RFX4: variants seen among roughly 807,000 people sequenced by gnomAD.
The protein encoded by RFX4 is transcription factor RFX4.
RFX4 carries 10 observed loss-of-function variants against 95.0 expected under a neutral mutation model. That is an observed-to-expected ratio of 0.11 (90% CI 0.06 to 0.18). The LOEUF (loss-of-function observed/expected upper bound fraction) is 0.18. Among genes scored for constraint, RFX4 ranks in the 10% least tolerant of loss-of-function variants. The pLI, the probability that RFX4 is intolerant of heterozygous loss-of-function variation, is 1.00. For synonymous variants in RFX4, 321 were observed against 340.7 expected (o/e 0.94, Z 0.64); for missense variants, 640 against 922.0 (o/e 0.69, Z 3.96).
chr12:106,706,774 T>C (rs1437846928), intron 8 of RFX4, among the ~76,000 whole-genome samples: 1 of 152,218 alleles, frequency 6.6e-6, no homozygotes, highest in Non-Finnish European at 1.5e-5. Context: ...GTTATATCTT[T>C]CATGCAATGT....
chr12:106,682,845 T>C (rs2041548928), intron 5 of RFX4: 1 of 152,224 alleles, frequency 6.6e-6, no homozygotes, highest in Admixed American at 6.5e-5. Context: ...CGACCTTCAT[T>C]AAAATCTGCA....
intron 7 of RFX4, chr12:106,693,080 G>C (rs1387471125): frequency 2.3e-6 from 1 of 436,730 alleles, no homozygotes; most frequent in Non-Finnish European, 4.6e-6. Flanking sequence ...AGTCCACTGG[G>C]AGATCCTGTC....
At chr12:106,710,539 A>G (rs1391836846) in intron 9 of RFX4, among the ~76,000 whole-genome samples, 1 of 152,194 alleles carries the variant, frequency 6.6e-6, no homozygotes, top group East Asian at 1.9e-4. Context: ...ACAAATTAGA[A>G]TAATCCTAGG....
chr12:106,689,914 T>C (rs1376206550), intron 7 of RFX4, among the ~76,000 whole-genome samples: 1 of 151,992 alleles, frequency 6.6e-6, no homozygotes, highest in Non-Finnish European at 1.5e-5. Flanking sequence ...AGTTAAAGAA[T>C]GGAGAGGAGG....
At chr12:106,746,262 C>G (rs549509305) in intron 15 of RFX4, among the ~76,000 whole-genome samples, 1 of 150,094 alleles carries the variant, frequency 6.7e-6, no homozygotes, top group Non-Finnish European at 1.5e-5. Flanking sequence ...AGGCTGAGGC[C>G]GGAGAATCAC....
intron 11 of RFX4, among the ~76,000 whole-genome samples, chr12:106,718,885 C>T (rs147555450): frequency 6.7e-5 from 10 of 149,056 alleles, no homozygotes; most frequent in South Asian, 2.1e-4. Flanking sequence ...CCAAGGCGGG[C>T]GGATCACGAG....
intron 1 of RFX4, chr12:106,601,261 A>G (rs1254795679): frequency 3.8e-6 from 6 of 1,580,674 alleles, no homozygotes; most frequent in Non-Finnish European, 4.3e-6. Flanking sequence ...GAGAGACAGA[A>G]AGGGGCTGAG....
chr12:106,602,475 G>A (rs577113770), intron 1 of RFX4, among the ~76,000 whole-genome samples: 38 of 152,206 alleles, frequency 2.5e-4, no homozygotes, highest in African/African-American at 7.5e-4. Flanking sequence ...CTAGTAAGTG[G>A]CCAGGCTGGG....
intron 3 of RFX4, among the ~76,000 whole-genome samples, chr12:106,653,973 G>C (rs2040906598): frequency 6.6e-6 from 1 of 152,180 alleles, no homozygotes; most frequent in Non-Finnish European, 1.5e-5. Context: ...GTACAGAGTA[G>C]AGGATCTGGG....
At chr12:106,609,257 G>A (rs373470962) in intron 2 of RFX4, among the ~76,000 whole-genome samples, 1 of 152,202 alleles carries the variant, frequency 6.6e-6, no homozygotes, top group East Asian at 1.9e-4. Context: ...TTGTGTCACA[G>A]GATAGTTGTT....
intron 1 of RFX4, among the ~76,000 whole-genome samples, chr12:106,597,951 GT>G (rs1245841499): frequency 1.3e-5 from 2 of 152,148 alleles, no homozygotes; most frequent in African/African-American, 4.8e-5. Context: ...TGGGATTACG[GT>G]TTTTCTGTGT....
In RFX4 at chr12:106,759,995, T is replaced by G. The variant is rs181358322; in HGVS notation, c.1936-1202T>G. Among the ~76,000 whole-genome samples, 387 of 152,210 alleles carry G rather than the reference T, an allele frequency of 2.5e-3. 1 individual carries two copies. The highest frequency in any genetic ancestry group is 8.5e-3 in the African/African-American group (354 of 41,538). ...AGCAGTTCCCTGTAGCCACCTAGAC[T>G]CCAGGGAGCAGCCATTGTTGTCATA... is the stretch of plus-strand genomic sequence containing the variant. On this transcript the variant is annotated intron_variant, in intron 17 of 17. Coordinates refer to ENST00000392842, the MANE Select transcript of RFX4 (RefSeq NM_213594.3).
chr12:106,658,870 T>C (rs538922401), intron 4 of RFX4, among the ~76,000 whole-genome samples: 175 of 152,272 alleles, frequency 1.1e-3, no homozygotes, highest in Non-Finnish European at 2.1e-3. Flanking sequence ...TCTGTAGCTC[T>C]GTTATTGTGT....
intron 9 of RFX4, among the ~76,000 whole-genome samples, chr12:106,709,962 C>T (rs1244062186): frequency 6.6e-6 from 1 of 152,148 alleles, no homozygotes. Flanking sequence ...CATTCTCTGC[C>T]TAATTAGAAA....
chr12:106,662,664 A>G (rs1457829500), intron 4 of RFX4, among the ~76,000 whole-genome samples: 5 of 152,026 alleles, frequency 3.3e-5, no homozygotes, highest in Non-Finnish European at 7.4e-5. Context: ...GTTTCCTTCT[A>G]TGTTGTCTTC....
chr12:106,688,488 C>T (rs1378532343), intron 6 of RFX4, among the ~76,000 whole-genome samples: 1 of 152,058 alleles, frequency 6.6e-6, no homozygotes, highest in Non-Finnish European at 1.5e-5. Context: ...TGAGATGAGT[C>T]CTGCTTTCAG....
chr12:106,618,089 G>A (rs1249706816), intron 2 of RFX4, among the ~76,000 whole-genome samples: 1 of 151,970 alleles, frequency 6.6e-6, no homozygotes, highest in East Asian at 1.9e-4. Context: ...GTGCACTTGA[G>A]GAGAATGAGT....
chr12:106,697,980 T>A (rs1437973875), intron 8 of RFX4, among the ~76,000 whole-genome samples: 1 of 148,944 alleles, frequency 6.7e-6, no homozygotes, highest in Non-Finnish European at 1.5e-5. Flanking sequence ...ATTATTATTA[T>A]TTTTTTTTTG....
At chr12:106,674,760 C>G (rs1197336818) in intron 4 of RFX4, among the ~76,000 whole-genome samples, 1 of 152,194 alleles carries the variant, frequency 6.6e-6, no homozygotes, top group African/African-American at 2.4e-5. Flanking sequence ...GCTTCTTGAA[C>G]AGAGGCTGTT....
Sources: allele counts gnomAD v4.1 joint callset (sites outside exome capture counted in the v4.1 genomes callset), GRCh38; gene constraint gnomAD v4.1.1; transcripts MANE v1.5; gene names NCBI Gene and HGNC (gene_info 2026-07-23, HGNC 2026-07-21).